The following PIK3R3 variants were observed in gnomAD, a reference collection of about 807,000 sequenced individuals.
PIK3R3 encodes phosphoinositide-3-kinase regulatory subunit 3.
In PIK3R3, 64 loss-of-function variants were observed where a neutral mutation model predicts 62.9. The observed-to-expected ratio is 1.02, with a 90% CI of 0.83 to 1.25. The LOEUF (loss-of-function observed/expected upper bound fraction) is 1.25, where lower values mean the gene tolerates loss of function less well. Among genes scored for constraint, PIK3R3 ranks in the 50% most tolerant of loss-of-function variants. The pLI, the probability that PIK3R3 is intolerant of heterozygous loss-of-function variation, is 0.00. For missense variants in PIK3R3, 614 were observed against 561.6 expected (o/e 1.09, Z -0.94); for synonymous variants, 165 against 189.0 (o/e 0.87, Z 1.04).
chr1:46,124,744 C>T (rs1022544343), intron 1 of PIK3R3, among the ~76,000 whole-genome samples: 3 of 136,930 alleles, frequency 2.2e-5, no homozygotes, highest in African/African-American at 5.5e-5. Context: ...TGCGGTGAGC[C>T]GAGCTCGCAC....
chr1:46,128,936 T>C (rs1444404076), intron 1 of PIK3R3, among the ~76,000 whole-genome samples: 1 of 152,108 alleles, frequency 6.6e-6, no homozygotes, highest in East Asian at 1.9e-4. Flanking sequence ...GCTGGTGTGG[T>C]GGTACATGCC....
chr1:46,147,527 C>T, the PIK3R3 span, among the ~76,000 whole-genome samples: 5 of 152,360 alleles, frequency 3.3e-5, no homozygotes, highest in African/African-American at 1.2e-4. Context: ...ACGCCATTCT[C>T]CTGCCTCAGC....
At position 46,118,707 on chromosome 1, in the gene PIK3R3, C is replaced by A. The variant is rs147242011; in HGVS notation, c.106+13140G>T. On this transcript the variant is annotated intron_variant, in intron 1 of 9. Coordinates refer to ENST00000262741, the MANE Select transcript of PIK3R3 (RefSeq NM_003629.4). Reference sequence around the variant, plus strand: ...AGTACCTGGGATTATAGGCGCCCACCACCACACCCAGCTAATTTTTATATT... The same window carrying A: ...AGTACCTGGGATTATAGGCGCCCACAACCACACCCAGCTAATTTTTATATT... Among the ~76,000 whole-genome samples, 84 of 152,038 alleles carry A rather than the reference C, an allele frequency of 5.5e-4. No homozygotes were observed. The East Asian group carries it at 0.013, about 24-fold the overall frequency.
chr1:46,051,121 G>A (rs561792151), intron 7 of PIK3R3, among the ~76,000 whole-genome samples: 1 of 152,100 alleles, frequency 6.6e-6, no homozygotes, highest in Non-Finnish European at 1.5e-5. Context: ...AATATGTGGT[G>A]ATGACAAAAT....
chr1:46,052,095 G>A (rs1209818291), intron 7 of PIK3R3, among the ~76,000 whole-genome samples: 2 of 151,856 alleles, frequency 1.3e-5, no homozygotes, highest in African/African-American at 2.4e-5. Context: ...CTGAGATCGC[G>A]CCACTGCACT....
chr1:46,094,727 C>T (rs1571476444), intron 1 of PIK3R3, among the ~76,000 whole-genome samples: 2 of 152,228 alleles, frequency 1.3e-5, no homozygotes, highest in African/African-American at 2.4e-5. Context: ...ATTAGTAACA[C>T]TAACCCCTTC....
At chr1:46,069,000 A>G (rs1279540025) in intron 3 of PIK3R3, among the ~76,000 whole-genome samples, 1 of 152,164 alleles carries the variant, frequency 6.6e-6, no homozygotes, top group African/African-American at 2.4e-5. Flanking sequence ...CTTTTATAAT[A>G]ATCTAGGCAA....
intron 1 of PIK3R3, among the ~76,000 whole-genome samples, chr1:46,099,593 T>C (rs1344082806): frequency 6.6e-6 from 1 of 152,208 alleles, no homozygotes; most frequent in Non-Finnish European, 1.5e-5. Flanking sequence ...GTATTTTTAT[T>C]TTCTCACCGT....
chr1:46,066,988 A>G lies in PIK3R3; in HGVS notation c.418T>C (p.Tyr140His). The G allele has an allele frequency of 6.2e-7, 1 of 1,611,006 alleles. No homozygotes were observed. Among genetic ancestry groups the G allele is most frequent in the South Asian group, 1.1e-5 (1 of 90,860 alleles). Reference sequence around the variant, plus strand: ...TACTGAGCAAGAGATTCATGGTGATAGTGGTTAATGAGCTCCACCACGGAA... The same window carrying G: ...TACTGAGCAAGAGATTCATGGTGATGGTGGTTAATGAGCTCCACCACGGAA... ...FNSVVELINHYHHESLAQYNP... is the reference protein window; with the variant it reads ...FNSVVELINHHHHESLAQYNP... The change falls in exon 4 of 10, where the codon TAT (tyrosine) becomes CAT (histidine). Residue 140 changes from tyrosine (Y) to histidine (H), a missense_variant. Coordinates refer to ENST00000262741, the MANE Select transcript of PIK3R3 (RefSeq NM_003629.4).
At chr1:46,119,961 A>G (rs897572084) in intron 1 of PIK3R3, among the ~76,000 whole-genome samples, 2 of 151,888 alleles carry the variant, frequency 1.3e-5, no homozygotes, top group African/African-American at 2.4e-5. Flanking sequence ...TATTTTTTGT[A>G]AAGACGAGGT....
the PIK3R3 span, among the ~76,000 whole-genome samples, chr1:46,154,022 CACA>C: frequency 6.6e-6 from 1 of 152,162 alleles, no homozygotes; most frequent in Non-Finnish European, 1.5e-5. Flanking sequence ...AAGGGTAAGT[CACA>C]TAATAAAGAC....
In PIK3R3 at chr1:46,066,168, T is replaced by C; in HGVS notation, c.507A>G (p.Val169=). ...CTACTGCATCAATATTATCTTCTTT[T>C]ACCAACTGATCCTATACAGGTAAAG... ...PVSRYQQDQL[V]KEDNIDAVGK... The change falls in exon 5 of 10, where the codon GTA becomes GTG. Residue 169 remains valine, a synonymous_variant. Transcript: ENST00000262741. 1 of 1,571,196 alleles carries C rather than the reference T, an allele frequency of 6.4e-7. No individual in the cohort carries two copies. Among genetic ancestry groups the C allele is most frequent in the Non-Finnish European group, 8.8e-7 (1 of 1,141,964 alleles).
At chr1:46,166,307 T>G in the PIK3R3 span, among the ~76,000 whole-genome samples, 1 of 151,896 alleles carries the variant, frequency 6.6e-6, no homozygotes, top group African/African-American at 2.4e-5. Context: ...CAGTGCAACC[T>G]CAGCCTCCCA....
rs567415112 is a variant in PIK3R3 at position 46,132,167 on chromosome 1, A to G, written c.-215T>C. Reference sequence around the variant, plus strand: ...CAAAATGCCCCCGAACTTTCAAGCTATGGGCTTTTCTCCTCAGAGGATTAC... The same window carrying G: ...CAAAATGCCCCCGAACTTTCAAGCTGTGGGCTTTTCTCCTCAGAGGATTAC... On this transcript the variant is annotated 5_prime_UTR_variant, in exon 1 of 10. Transcript: ENST00000262741. 1 of 1,330,068 alleles carries G rather than the reference A, an allele frequency of 7.5e-7. No homozygotes were observed. Among genetic ancestry groups the G allele is most frequent in the East Asian group, 3.2e-5 (1 of 31,300 alleles). The allele number at this position is 1,330,068 out of a possible 1,614,324, so 82.4% of individuals were successfully genotyped here.
At chr1:46,110,269 G>T (rs1653617162) in intron 1 of PIK3R3, among the ~76,000 whole-genome samples, 2 of 135,566 alleles carry the variant, frequency 1.5e-5, no homozygotes, top group African/African-American at 2.7e-5. Context: ...ATGCCACCAG[G>T]CTTGGCTTTT....
the PIK3R3 span, among the ~76,000 whole-genome samples, chr1:46,139,303 C>T: frequency 6.9e-6 from 1 of 144,564 alleles, no homozygotes; most frequent in African/African-American, 2.5e-5. Context: ...CCACGTGCTT[C>T]TTTTTTTTTT....
At chr1:46,071,527 C>A (rs1649480110) in intron 3 of PIK3R3, among the ~76,000 whole-genome samples, 1 of 150,540 alleles carries the variant, frequency 6.6e-6, no homozygotes, top group African/African-American at 2.4e-5. Flanking sequence ...GAAACCCTGC[C>A]TCTACCAAAA....
chr1:46,050,114 T>C, intron 7 of PIK3R3, among the ~76,000 whole-genome samples: 1 of 133,472 alleles, frequency 7.5e-6, no homozygotes, highest in Non-Finnish European at 1.6e-5. Context: ...AGAGTGAAAC[T>C]CTGTCTCAAA....
At position 46,063,094 on chromosome 1, in the gene PIK3R3, G is replaced by A. The variant is rs535848233; in HGVS notation, c.622-1023C>T. 2.6e-5 allele frequency among the ~76,000 whole-genome samples: 4 copies of A among 152,258 alleles called. No individual in the cohort carries two copies. The East Asian group carries it at 5.8e-4, about 22-fold the overall frequency. On this transcript the variant is annotated intron_variant, in intron 5 of 9. Coordinates refer to ENST00000262741, the MANE Select transcript of PIK3R3 (RefSeq NM_003629.4). Reference sequence around the variant, plus strand: ...GGAACAGATTTCTGAACTCTAATAAGGTTTGGTTTCATGTCATGGAAGAGG... The same window carrying A: ...GGAACAGATTTCTGAACTCTAATAAAGTTTGGTTTCATGTCATGGAAGAGG...
Sources: gnomAD v4.1 joint callset for allele counts (sites outside exome capture counted in the v4.1 genomes callset) on GRCh38, gnomAD v4.1.1 for gene constraint, MANE v1.5 for transcripts, NCBI Gene and HGNC (gene_info 2026-07-23, HGNC 2026-07-21) for gene names.